Variants in NCOA1 observed in about 807,000 individuals in gnomAD.
The protein encoded by NCOA1 is nuclear receptor coactivator 1, also known as Hin-2 protein.
In NCOA1, 35 loss-of-function variants were observed where a neutral mutation model predicts 150.9. The observed-to-expected ratio is 0.23, with a 90% CI of 0.18 to 0.31. The LOEUF (loss-of-function observed/expected upper bound fraction) is 0.31, where lower values mean the gene tolerates loss of function less well. NCOA1 is among the 10% of genes least tolerant of loss of function. The pLI, the probability that NCOA1 is intolerant of heterozygous loss-of-function variation, is 1.00. For synonymous variants in NCOA1, 590 were observed against 630.0 expected (o/e 0.94, Z 0.95); for missense variants, 1,491 against 1,749.3 (o/e 0.85, Z 2.63).
At chr2:24,545,261 G>A (rs1665561987) in intron 1 of NCOA1, among the ~76,000 whole-genome samples, 1 of 151,488 alleles carries the variant, frequency 6.6e-6, no homozygotes, top group South Asian at 2.1e-4. Context: ...TAGAGTGCCA[G>A]AAAATAAGAA....
intron 20 of NCOA1, among the ~76,000 whole-genome samples, chr2:24,756,440 T>C (rs1173893220): frequency 6.6e-6 from 1 of 152,216 alleles, no homozygotes; most frequent in Non-Finnish European, 1.5e-5. Context: ...GGGAAAATTC[T>C]GTACTTTTCT....
rs1671455241 is a variant in NCOA1, at chr2:24,666,860, G to A, written c.256+945G>A. The stretch of plus-strand genomic sequence containing the variant: ...GTTGGCCAGGCTGGTGTATTTTTAA[G>A]CTTCATATTTTTACTACCTATATTT... On this transcript the variant is annotated intron_variant, in intron 6 of 22. Coordinates refer to ENST00000348332, the MANE Select transcript of NCOA1 (RefSeq NM_003743.5). Among the ~76,000 whole-genome samples, 11 of 151,984 alleles carry A rather than the reference G, an allele frequency of 7.2e-5. No homozygotes were observed. The South Asian group carries it at 2.3e-3, about 32-fold the overall frequency.
intron 3 of NCOA1, among the ~76,000 whole-genome samples, chr2:24,587,819 C>T (rs186370345): frequency 3.9e-5 from 6 of 152,246 alleles, no homozygotes; most frequent in Non-Finnish European, 7.4e-5. Flanking sequence ...CATTGCTTGG[C>T]GGCCCAGGTA....
At chr2:24,614,231 T>TTTTTTTTTTTTTTG (rs1668771754) in intron 3 of NCOA1, among the ~76,000 whole-genome samples, 2 of 122,786 alleles carry the variant, frequency 1.6e-5, no homozygotes, top group African/African-American at 6.2e-5. Context: ...TTTTTTTTTT[T>TTTTTTTTTTTTTTG]GCTATGGGGT....
At chr2:24,547,369 G>A (rs930844059) in intron 1 of NCOA1, among the ~76,000 whole-genome samples, 1 of 152,064 alleles carries the variant, frequency 6.6e-6, no homozygotes, top group Non-Finnish European at 1.5e-5. Context: ...AATTTAATAA[G>A]TATCTTGGTT....
intron 19 of NCOA1, among the ~76,000 whole-genome samples, chr2:24,750,617 C>G (rs1572681617): frequency 6.6e-6 from 1 of 152,240 alleles, no homozygotes; most frequent in Non-Finnish European, 1.5e-5. Flanking sequence ...AAATTTCCCC[C>G]CAAAAAGCAA....
intron 1 of NCOA1, among the ~76,000 whole-genome samples, chr2:24,511,398 G>GT (rs1408826479): frequency 5.3e-5 from 8 of 152,200 alleles, no homozygotes; most frequent in Non-Finnish European, 1.0e-4. Context: ...CCCAGCAGCA[G>GT]TGTATGAGGG....
chr2:24,678,736 T>C lies in NCOA1; in HGVS notation c.355-4215T>C, dbSNP rs533714154. ...TTGCCTGCTTTTTAATGGGGTTGTT[T>C]GGTTTTTTCTTGTAAATTTGTTTAA... On this transcript the variant is annotated intron_variant, in intron 7 of 22. Coordinates refer to ENST00000348332, the MANE Select transcript of NCOA1 (RefSeq NM_003743.5). 2.6e-5 allele frequency among the ~76,000 whole-genome samples: 4 copies of C among 152,328 alleles called. No homozygotes were observed. The South Asian group carries it at 8.3e-4, about 32-fold the overall frequency.
chr2:24,544,335 G>T (rs2148202667), intron 1 of NCOA1, among the ~76,000 whole-genome samples: 1 of 152,246 alleles, frequency 6.6e-6, no homozygotes, highest in East Asian at 1.9e-4. Context: ...TACTGATTTG[G>T]AAAGTATCAG....
intron 3 of NCOA1, among the ~76,000 whole-genome samples, chr2:24,617,531 T>C (rs908089409): frequency 1.3e-5 from 2 of 152,210 alleles, no homozygotes; most frequent in African/African-American, 4.8e-5. Context: ...AATGTGTTAG[T>C]GATTCCAGAA....
intron 3 of NCOA1, among the ~76,000 whole-genome samples, chr2:24,630,384 G>T (rs1273581907): frequency 6.6e-6 from 1 of 152,214 alleles, no homozygotes; most frequent in Non-Finnish European, 1.5e-5. Context: ...TCACTGGTGT[G>T]AAGTTTTATT....
intron 4 of NCOA1, among the ~76,000 whole-genome samples, chr2:24,645,446 C>T (rs1670425884): frequency 6.8e-6 from 1 of 147,480 alleles, no homozygotes; most frequent in Admixed American, 6.9e-5. Flanking sequence ...GGAGGCGGAG[C>T]TTGCAGTGAG....
Position 24,664,861 on chromosome 2 carries a change from G to C in NCOA1, c.90-888G>C, listed in dbSNP as rs531897150. On this transcript the variant is annotated intron_variant, in intron 5 of 22. Coordinates refer to ENST00000348332, the MANE Select transcript of NCOA1 (RefSeq NM_003743.5). Reference sequence around the variant, plus strand: ...TTGATTGCTGCTTATAAAACAAAGAGCTACTTGTGACCACTTCTTCCTATT... The same window carrying C: ...TTGATTGCTGCTTATAAAACAAAGACCTACTTGTGACCACTTCTTCCTATT... 2.0e-5 allele frequency among the ~76,000 whole-genome samples: 3 copies of C among 152,206 alleles called. No homozygotes were observed. In the South Asian group the frequency reaches 6.2e-4, roughly 32 times the overall value.
intron 22 of NCOA1, among the ~76,000 whole-genome samples, chr2:24,763,794 G>A (rs893317225): frequency 5.9e-5 from 9 of 151,326 alleles, no homozygotes; most frequent in Admixed American, 1.3e-4. Flanking sequence ...CTAATTTTTC[G>A]TCTTTTCAGT....
At chr2:24,741,692 G>GC in intron 18 of NCOA1, 92 bp from the exon 19 acceptor site, 1 of 1,363,590 alleles carries the variant, frequency 7.3e-7, no homozygotes, top group South Asian at 1.5e-5. Flanking sequence ...GTACTTTATT[G>GC]CCCCAAGCAA....
chr2:24,677,873 T>G (rs1671990874), intron 7 of NCOA1, among the ~76,000 whole-genome samples: 1 of 151,402 alleles, frequency 6.6e-6, no homozygotes, highest in African/African-American at 2.4e-5. Flanking sequence ...GTGCCACACT[T>G]TTTTTTTTCT....
intron 3 of NCOA1, among the ~76,000 whole-genome samples, chr2:24,639,916 GTATATATATATA>G (rs67632791): frequency 0.027 from 793 of 29,714 alleles, 43 homozygotes; most frequent in Non-Finnish European, 0.044. Context: ...ATGTGTGTGT[GTATATATATATA>G]TATATATATA....
At chr2:24,687,405 GT>G (rs1047684228) in intron 8 of NCOA1, among the ~76,000 whole-genome samples, 4 of 151,792 alleles carry the variant, frequency 2.6e-5, no homozygotes, top group African/African-American at 9.7e-5. Flanking sequence ...CATGTGCAAG[GT>G]TTGTTATATA....
At chr2:24,585,761 G>A (rs190040321) in intron 3 of NCOA1, among the ~76,000 whole-genome samples, 190 of 152,078 alleles carry the variant, frequency 1.2e-3, no homozygotes, top group African/African-American at 1.0e-3. Flanking sequence ...TCATATACAC[G>A]TATATTTCTT....
Sources: allele counts gnomAD v4.1 joint callset (sites outside exome capture counted in the v4.1 genomes callset), GRCh38; gene constraint gnomAD v4.1.1; transcripts MANE v1.5; gene names NCBI Gene and HGNC (gene_info 2026-07-23, HGNC 2026-07-21).